Variants in DST observed in about 807,000 individuals in gnomAD.
DST encodes dystonin, also known as bullous pemphigoid antigen.
A neutral mutation model predicts 875.2 loss-of-function variants in DST; 253 were observed. The observed-to-expected ratio is 0.29, with a 90% CI of 0.26 to 0.32. DST has a LOEUF of 0.32. Among genes scored for constraint, DST ranks in the 10% least tolerant of loss-of-function variants. The pLI is 1.00. For missense variants in DST, 8,287 were observed against 9,111.6 expected (o/e 0.91, Z 3.68); for synonymous variants, 3,124 against 3,197.1 (o/e 0.98, Z 0.77).
chr6:56,569,438 C>T (rs535265565), intron 54 of DST, among the ~76,000 whole-genome samples: 16 of 151,904 alleles, frequency 1.1e-4, no homozygotes, highest in African/African-American at 3.1e-4. Context: ...AAGACTTGTG[C>T]ACTATTTATG....
chr6:56,571,723 C>T (rs952238918), intron 53 of DST, among the ~76,000 whole-genome samples: 3 of 152,282 alleles, frequency 2.0e-5, no homozygotes, highest in South Asian at 4.1e-4. Context: ...GAGTTGAGCT[C>T]AGAAAGCAAA....
At chr6:56,951,565 C>A (rs1822314115) in intron 2 of DST, among the ~76,000 whole-genome samples, 1 of 152,020 alleles carries the variant, frequency 6.6e-6, no homozygotes, top group South Asian at 2.1e-4. Context: ...GAAAAATATT[C>A]CCTATGTTTT....
intron 3 of DST, among the ~76,000 whole-genome samples, chr6:56,893,562 CT>C (rs1282483681): frequency 0.038 from 1,375 of 35,872 alleles, 11 homozygotes; most frequent in Middle Eastern, 0.14. Flanking sequence ...ACTTTTAGTT[CT>C]TTTTTTTTTT....
intron 2 of DST, among the ~76,000 whole-genome samples, chr6:56,915,023 G>C (rs1800277888): frequency 6.6e-6 from 1 of 152,308 alleles, no homozygotes; most frequent in Admixed American, 6.5e-5. Context: ...CACAGCCCCG[G>C]GCACAGACAG....
chr6:56,701,507 T>G (rs1299492164), intron 8 of DST, among the ~76,000 whole-genome samples: 1 of 147,856 alleles, frequency 6.8e-6, no homozygotes, highest in African/African-American at 2.7e-5. Context: ...TTAACTATTT[T>G]TATATACTAA....
chr6:56,590,916 GGCAATACCTAACTTTAAGCTTGCCCA>G (rs1477209577), intron 49 of DST, among the ~76,000 whole-genome samples: 6 of 152,214 alleles, frequency 3.9e-5, no homozygotes, highest in African/African-American at 1.4e-4. Flanking sequence ...GTCAATCTCA[GGCAATACCTAACTTTAAGCTTGCCCA>G]GCAGGGTACC....
intron 4 of DST, among the ~76,000 whole-genome samples, chr6:56,819,394 G>A (rs1042519842): frequency 2.6e-5 from 4 of 152,088 alleles, no homozygotes; most frequent in Non-Finnish European, 5.9e-5. Context: ...AAAGCTTCTA[G>A]AAATTACACA....
chr6:56,471,936 C>G (rs1474219224), intron 94 of DST, 123 bp downstream of exon 94: 3 of 976,162 alleles, frequency 3.1e-6, no homozygotes, highest in Non-Finnish European at 1.6e-6. Context: ...AAAATGTACT[C>G]AAATAGCAAG....
intron 4 of DST, among the ~76,000 whole-genome samples, chr6:56,847,002 CA>C (rs569665465): frequency 0.067 from 3,480 of 52,004 alleles, 101 homozygotes; most frequent in African/African-American, 0.2. Context: ...GACCCTGTCT[CA>C]AAAAAAAAAA....
Position 56,526,349 on chromosome 6 carries a change from AT to A in DST, c.18129+11del. ...AAATTTATTGCCTAAACAACAAACCATTTTTCCCTACCTGCTGTGATCGCAG... is the reference window on the plus strand; with the variant it reads ...AAATTTATTGCCTAAACAACAAACCATTTTCCCTACCTGCTGTGATCGCAG... On this transcript the variant is annotated intron_variant, in intron 69 of 103. Transcript: ENST00000680361. 6.2e-7 allele frequency: 1 copy of A among 1,612,790 alleles called. No homozygotes were observed. Among genetic ancestry groups the A allele is most frequent in the Non-Finnish European group, 8.5e-7 (1 of 1,179,372 alleles).
intron 4 of DST, among the ~76,000 whole-genome samples, chr6:56,826,041 C>A (rs759785513): frequency 1.3e-5 from 2 of 152,088 alleles, no homozygotes; most frequent in Non-Finnish European, 2.9e-5. Context: ...CAAACGGATC[C>A]TTTGGCTTAG....
rs1452666088 is a variant in DST, at chr6:56,509,831, T to C, written c.18823A>G (p.Ile6275Val). The C allele has an allele frequency of 4.3e-6, 7 of 1,613,498 alleles. No homozygotes were observed. In the African/African-American group the frequency reaches 5.3e-5, roughly 12 times the overall value. ...IDQILESLER[I>V]VERLRQPPSI... ...GGTGGCTGCCTCAGACGTTCCACGATGCGTTCCAGGCTCTCAAGGATCTGA... is the reference window on the plus strand; with the variant it reads ...GGTGGCTGCCTCAGACGTTCCACGACGCGTTCCAGGCTCTCAAGGATCTGA... The change falls in exon 74 of 104, where the codon ATC (isoleucine) becomes GTC (valine). Residue 6275 changes from isoleucine to valine, a missense_variant. This residue lies in a region of DST where 1,292 missense variants were observed against 1,552.7 expected (regional missense o/e 0.83). Coordinates refer to ENST00000680361, the MANE Select transcript of DST (RefSeq NM_001374736.1).
intron 55 of DST, 88 bp from the exon 56 acceptor site, chr6:56,562,288 C>G (rs530842281): frequency 5.1e-6 from 3 of 588,458 alleles, no homozygotes; most frequent in Admixed American, 4.4e-5. Context: ...ACCCCATCAA[C>G]AGTAATCACA....
intron 32 of DST, 62 bp downstream of exon 32, chr6:56,629,188 T>G (rs535375564): frequency 6.6e-7 from 1 of 1,524,320 alleles, no homozygotes; most frequent in East Asian, 2.3e-5. Context: ...GTGTAGATTT[T>G]ACTCATTTAC....
intron 38 of DST, 50 bp downstream of exon 38, chr6:56,611,458 T>C: frequency 7.4e-7 from 1 of 1,347,786 alleles, no homozygotes; most frequent in Non-Finnish European, 1.1e-6. Context: ...TGAAAGCTTT[T>C]AAGAATACTT....
chr6:56,622,062 G>C (rs141640955), intron 36 of DST, among the ~76,000 whole-genome samples: 120 of 152,266 alleles, frequency 7.9e-4, no homozygotes, highest in Middle Eastern at 3.4e-3. Context: ...TGTGACACAT[G>C]AGCATTTTAT....
rs1475221099 is a variant in DST, at chr6:56,904,847, T to C, written c.217-4226A>G. Among the ~76,000 whole-genome samples the C allele has an allele frequency of 2.0e-5, 3 of 152,314 alleles. No individual in the cohort carries two copies. The South Asian group carries it at 6.2e-4, about 32-fold the overall frequency. On this transcript the variant is annotated intron_variant, in intron 2 of 103. Transcript: ENST00000680361. ...GCTCTGTCGCTAGGCTGGAGTGCAG[T>C]GGCGCAATATCGGCTCACTGCAACC... is the stretch of plus-strand genomic sequence containing the variant.
chr6:56,903,270 C>A (rs1018333648), intron 2 of DST, among the ~76,000 whole-genome samples: 1 of 152,114 alleles, frequency 6.6e-6, no homozygotes, highest in African/African-American at 2.4e-5. Flanking sequence ...CAGTGGACTA[C>A]AAATTCTAGA....
At chr6:56,584,176 T>C (rs1172219755) in intron 49 of DST, among the ~76,000 whole-genome samples, 2 of 152,054 alleles carry the variant, frequency 1.3e-5, no homozygotes, top group Non-Finnish European at 2.9e-5. Context: ...CTATAAATTA[T>C]CTTGGGCAGT....
Sources: gnomAD v4.1 joint callset for allele counts (sites outside exome capture counted in the v4.1 genomes callset) on GRCh38, gnomAD v4.1.1 for gene constraint, gnomAD v4.1.1 regional missense constraint, MANE v1.5 for transcripts, NCBI Gene and HGNC (gene_info 2026-07-23, HGNC 2026-07-21) for gene names.